Variants in CMC1 observed in about 807,000 individuals in gnomAD.
The protein encoded by CMC1 is COX assembly mitochondrial protein homolog.
In CMC1, 14 loss-of-function variants were observed where a neutral mutation model predicts 14.1. The ratio of observed to expected loss-of-function variants is 0.99; its 90% CI spans 0.66 to 1.55. CMC1 has a LOEUF of 1.55. CMC1 is among the 40% of genes most tolerant of loss of function. CMC1 has a pLI of 0.00. For synonymous variants in CMC1, 50 were observed against 38.4 expected (o/e 1.30, Z -1.12); for missense variants, 127 against 123.8 (o/e 1.03, Z -0.12).
chr3:28,262,519 G>A (rs1336633188), intron 1 of CMC1, among the ~76,000 whole-genome samples: 1 of 152,026 alleles, frequency 6.6e-6, no homozygotes, highest in East Asian at 1.9e-4. Context: ...AAGTTTTCTT[G>A]CTTTCCATAT....
At chr3:28,291,553 AGTC>A (rs1559428789) in intron 2 of CMC1, among the ~76,000 whole-genome samples, 1 of 152,060 alleles carries the variant, frequency 6.6e-6, no homozygotes, top group African/African-American at 2.4e-5. Context: ...TATTCCTTGA[AGTC>A]TAGTTTTCTT....
rs141716114 is a variant in CMC1 at position 28,265,100 on chromosome 3, C to T, written c.109+1720C>T. On this transcript the variant is annotated intron_variant, in intron 2 of 3. Transcript: ENST00000466830. ...AAAGTTAAGTTGTTTAGGATGTTGA[C>T]GTAGTTAAGTTTTTGCTGTTTTAAT... Among the ~76,000 whole-genome samples the T allele has an allele frequency of 3.9e-3, 593 of 152,032 alleles. 4 individuals are homozygous for T. The highest frequency in any genetic ancestry group is 6.8e-3 in the Non-Finnish European group (462 of 67,954).
intron 2 of CMC1, among the ~76,000 whole-genome samples, chr3:28,282,791 A>G (rs919325726): frequency 1.3e-5 from 2 of 152,180 alleles, no homozygotes; most frequent in Non-Finnish European, 2.9e-5. Context: ...TTGATTCTTC[A>G]TCATAACCTT....
At chr3:28,308,415 C>CT in intron 2 of CMC1, among the ~76,000 whole-genome samples, 1 of 152,056 alleles carries the variant, frequency 6.6e-6, no homozygotes, top group African/African-American at 2.4e-5. Flanking sequence ...ATTTTCTTTT[C>CT]TTATCGTAGT....
chr3:28,248,783 ATTTT>A (rs1698965358), intron 1 of CMC1, among the ~76,000 whole-genome samples: 1 of 151,822 alleles, frequency 6.6e-6, no homozygotes, highest in African/African-American at 2.4e-5. Context: ...CCTCTGTTCT[ATTTT>A]TGCATTTTTT....
intron 2 of CMC1, 152 bp downstream of exon 2, chr3:28,263,532 A>T: frequency 1.9e-6 from 1 of 525,996 alleles, no homozygotes; most frequent in Non-Finnish European, 3.4e-6. Flanking sequence ...CAGCTTTCAG[A>T]ACTTCCAGTG....
chr3:28,280,096 A>T (rs1361023221), intron 2 of CMC1, among the ~76,000 whole-genome samples: 1 of 152,248 alleles, frequency 6.6e-6, no homozygotes. Context: ...GTTCTGTACG[A>T]CAGTTGAGAT....
At chr3:28,254,795 T>C (rs1198370307) in intron 1 of CMC1, among the ~76,000 whole-genome samples, 1 of 152,248 alleles carries the variant, frequency 6.6e-6, no homozygotes, top group Non-Finnish European at 1.5e-5. Context: ...AAATTAATTT[T>C]GTAAATTTTG....
intron 2 of CMC1, among the ~76,000 whole-genome samples, chr3:28,314,092 G>T (rs1243527041): frequency 6.6e-6 from 1 of 152,166 alleles, no homozygotes; most frequent in Non-Finnish European, 1.5e-5. Context: ...TCTTAAAGAA[G>T]CCTTTAGCTA....
At chr3:28,243,291 A>C (rs1284485213) in intron 1 of CMC1, among the ~76,000 whole-genome samples, 1 of 152,080 alleles carries the variant, frequency 6.6e-6, no homozygotes, top group East Asian at 1.9e-4. Flanking sequence ...CCTGACCTCA[A>C]GTGATCTGCC....
chr3:28,309,553 CT>C (rs1702513417), intron 2 of CMC1, among the ~76,000 whole-genome samples: 1 of 152,032 alleles, frequency 6.6e-6, no homozygotes, highest in Non-Finnish European at 1.5e-5. Context: ...TATTCACTCA[CT>C]TCTGTCCTTT....
At chr3:28,277,439 G>C (rs1700638724) in intron 2 of CMC1, among the ~76,000 whole-genome samples, 2 of 152,106 alleles carry the variant, frequency 1.3e-5, no homozygotes, top group African/African-American at 4.8e-5. Flanking sequence ...CTGTATGTCA[G>C]TTACCATTTT....
chr3:28,289,917 C>G (rs544099425), intron 2 of CMC1, among the ~76,000 whole-genome samples: 1 of 152,210 alleles, frequency 6.6e-6, no homozygotes, highest in East Asian at 1.9e-4. Flanking sequence ...ATATTATATA[C>G]ACTACTTTTT....
intron 1 of CMC1, among the ~76,000 whole-genome samples, chr3:28,252,773 G>A (rs1387803396): frequency 6.6e-6 from 1 of 152,130 alleles, no homozygotes; most frequent in Non-Finnish European, 1.5e-5. Context: ...CTTGGCATTG[G>A]CACTTTATTA....
chr3:28,319,682 T>A lies in CMC1; in HGVS notation c.*53T>A. The A allele has an allele frequency of 6.7e-7, 1 of 1,489,540 alleles. No individual in the cohort carries two copies. Among genetic ancestry groups the A allele is most frequent in the Non-Finnish European group, 9.1e-7 (1 of 1,098,504 alleles). 92.3% of individuals were successfully genotyped at this position (1,489,540 alleles called of 1,614,324 possible). A position where few individuals can be genotyped will look rare whatever the true frequency, so the allele number is the denominator to read the frequency against. ...TCTAATATTCATGGAAGTCATTTTATAGTCCTTAAATAATGGACTCAAGCA... is the reference window on the plus strand; with the variant it reads ...TCTAATATTCATGGAAGTCATTTTAAAGTCCTTAAATAATGGACTCAAGCA... On this transcript the variant is annotated 3_prime_UTR_variant, in exon 4 of 4. Coordinates refer to ENST00000466830, the MANE Select transcript of CMC1 (RefSeq NM_182523.2).
At chr3:28,286,597 T>C (rs1004186725) in intron 2 of CMC1, among the ~76,000 whole-genome samples, 4 of 152,246 alleles carry the variant, frequency 2.6e-5, no homozygotes, top group African/African-American at 9.6e-5. Context: ...TGTTGAATGA[T>C]TGCTGTTAAA....
intron 2 of CMC1, among the ~76,000 whole-genome samples, chr3:28,264,046 C>T (rs1467296375): frequency 6.6e-6 from 1 of 152,078 alleles, no homozygotes; most frequent in Non-Finnish European, 1.5e-5. Flanking sequence ...GGCCATAATA[C>T]ATTTGTAAAT....
intron 2 of CMC1, among the ~76,000 whole-genome samples, chr3:28,312,775 G>A (rs953526990): frequency 6.6e-6 from 1 of 152,034 alleles, no homozygotes; most frequent in Non-Finnish European, 1.5e-5. Context: ...TGTCCATTAT[G>A]TTAAAGTTAG....
intron 2 of CMC1, among the ~76,000 whole-genome samples, chr3:28,275,487 C>T (rs1322676461): frequency 6.6e-6 from 1 of 151,912 alleles, no homozygotes; most frequent in Non-Finnish European, 1.5e-5. Flanking sequence ...CTGCCTGCTT[C>T]TTCCTGTGGG....
Sources: gnomAD v4.1 joint callset for allele counts (sites outside exome capture counted in the v4.1 genomes callset) on GRCh38, gnomAD v4.1.1 for gene constraint, MANE v1.5 for transcripts, NCBI Gene and HGNC (gene_info 2026-07-23, HGNC 2026-07-21) for gene names.